ELP3: variants seen among roughly 807,000 people sequenced by gnomAD.
ELP3 encodes elongator complex protein 3.
ELP3 carries 56 observed loss-of-function variants against 74.9 expected under a neutral mutation model. The ratio of observed to expected loss-of-function variants is 0.75; its 90% CI spans 0.60 to 0.93. The LOEUF (loss-of-function observed/expected upper bound fraction) is 0.93, where lower values mean the gene tolerates loss of function less well. ELP3 is among the 40% of genes least tolerant of loss of function. The pLI, the probability that ELP3 is intolerant of heterozygous loss-of-function variation, is 0.00. For missense variants in ELP3, 573 were observed against 686.5 expected (o/e 0.83, Z 1.85); for synonymous variants, 222 against 239.8 (o/e 0.93, Z 0.68).
chr8:28,124,524 T>G (rs1203575831), intron 7 of ELP3, among the ~76,000 whole-genome samples: 1 of 152,208 alleles, frequency 6.6e-6, no homozygotes, highest in Non-Finnish European at 1.5e-5. Context: ...TAGCAACCAC[T>G]TTCTGACAAT....
chr8:28,133,272 A>C lies in ELP3; in HGVS notation c.906+868A>C, dbSNP rs143620882. ...GTGTGTTTTTATCCTCTGACTCATTATTCTATTGAGATAAGAATATTTTTA... is the reference window on the plus strand; with the variant it reads ...GTGTGTTTTTATCCTCTGACTCATTCTTCTATTGAGATAAGAATATTTTTA... On this transcript the variant is annotated intron_variant, in intron 9 of 14. Transcript: ENST00000256398. Among the ~76,000 whole-genome samples, 50 of 152,236 alleles carry C rather than the reference A, an allele frequency of 3.3e-4. No individual in the cohort carries two copies. The East Asian group carries it at 6.7e-3, about 21-fold the overall frequency.
chr8:28,154,467 A>T (rs537096056), intron 10 of ELP3, among the ~76,000 whole-genome samples: 1 of 152,262 alleles, frequency 6.6e-6, no homozygotes, highest in South Asian at 2.1e-4. Context: ...TTTAAGTTTT[A>T]TATATTTCTT....
At chr8:28,152,592 G>C (rs1224305631) in intron 10 of ELP3, among the ~76,000 whole-genome samples, 1 of 152,158 alleles carries the variant, frequency 6.6e-6, no homozygotes, top group Non-Finnish European at 1.5e-5. Flanking sequence ...GATCACCTGA[G>C]GTCAGGAGTT....
At chr8:28,184,078 A>C (rs1053978569) in intron 14 of ELP3, among the ~76,000 whole-genome samples, 6 of 152,216 alleles carry the variant, frequency 3.9e-5, no homozygotes, top group African/African-American at 1.2e-4. Flanking sequence ...GAGCAGAGCA[A>C]GGCCCTCACC....
chr8:28,093,883 G>T (rs1811146624), intron 1 of ELP3, among the ~76,000 whole-genome samples: 1 of 152,160 alleles, frequency 6.6e-6, no homozygotes, highest in Non-Finnish European at 1.5e-5. Context: ...GTATTTTGAA[G>T]TCGGTATCAT....
intron 10 of ELP3, among the ~76,000 whole-genome samples, chr8:28,146,190 G>T (rs772561433): frequency 6.6e-6 from 1 of 152,096 alleles, no homozygotes; most frequent in Non-Finnish European, 1.5e-5. Context: ...AAGATTCTGT[G>T]TTCCAGCCCT....
At chr8:28,116,650 A>G (rs1047420674) in intron 7 of ELP3, among the ~76,000 whole-genome samples, 1 of 152,172 alleles carries the variant, frequency 6.6e-6, no homozygotes, top group Non-Finnish European at 1.5e-5. Flanking sequence ...CGAGGCACAG[A>G]AACACTTGAA....
chr8:28,164,836 GT>G (rs1012501861), intron 14 of ELP3, among the ~76,000 whole-genome samples: 2 of 152,080 alleles, frequency 1.3e-5, no homozygotes, highest in African/African-American at 4.8e-5. Flanking sequence ...TTAATGTTGT[GT>G]TTTTCCGGTT....
upstream of ELP3, among the ~76,000 whole-genome samples, chr8:28,090,692 T>C (rs149660801): frequency 7.4e-3 from 1,116 of 151,794 alleles, 4 homozygotes; most frequent in Middle Eastern, 0.014. Context: ...ACTCAAAGCA[T>C]TGATGTGGGG....
At chr8:28,184,973 A>G (rs557119916) in intron 14 of ELP3, among the ~76,000 whole-genome samples, 1 of 152,162 alleles carries the variant, frequency 6.6e-6, no homozygotes, top group Admixed American at 6.5e-5. Context: ...CATCTCAAAA[A>G]AAAAAAAAAG....
intron 5 of ELP3, among the ~76,000 whole-genome samples, chr8:28,108,466 T>TC (rs1218466934): frequency 1.5e-4 from 22 of 147,738 alleles, no homozygotes; most frequent in African/African-American, 4.7e-4. Flanking sequence ...TCTTTTTTTT[T>TC]TTTTTTTTTG....
At chr8:28,091,786 G>C (rs1239545044), upstream of ELP3, among the ~76,000 whole-genome samples, 3 of 152,120 alleles carry the variant, frequency 2.0e-5, no homozygotes, top group Non-Finnish European at 4.4e-5. Flanking sequence ...ACACACCCAG[G>C]AAAAAGAGAC....
intron 1 of ELP3, among the ~76,000 whole-genome samples, chr8:28,095,907 G>T (rs1392442687): frequency 6.6e-6 from 1 of 152,196 alleles, no homozygotes; most frequent in East Asian, 1.9e-4. Flanking sequence ...CTGGGCCACG[G>T]ACCAGTACCG....
upstream of ELP3, chr8:28,090,516 T>TGTGTGTGTGTGTGC (rs71222534): frequency 5.3e-6 from 1 of 189,980 alleles, no homozygotes; most frequent in East Asian, 1.5e-4. Context: ...TGTGTGTGTG[T>TGTGTGTGTGTGTGC]ATACACATAT....
intron 14 of ELP3, among the ~76,000 whole-genome samples, chr8:28,182,628 G>A (rs955640684): frequency 3.3e-5 from 5 of 152,042 alleles, no homozygotes; most frequent in East Asian, 1.9e-4. Flanking sequence ...TTGGCCTTTG[G>A]TTAGTCTAAG....
At chr8:28,154,492 G>C (rs1466648865) in intron 10 of ELP3, among the ~76,000 whole-genome samples, 1 of 152,070 alleles carries the variant, frequency 6.6e-6, no homozygotes, top group East Asian at 1.9e-4. Flanking sequence ...GTGTATATAT[G>C]AGATGTATAG....
intron 11 of ELP3, among the ~76,000 whole-genome samples, chr8:28,157,700 T>TG (rs889466285): frequency 7.2e-5 from 11 of 152,090 alleles, no homozygotes; most frequent in Admixed American, 1.3e-4. Flanking sequence ...GTTTGTTCTA[T>TG]GGGGGGGAAA....
intron 14 of ELP3, among the ~76,000 whole-genome samples, chr8:28,178,946 C>G (rs1266637567): frequency 6.6e-6 from 1 of 152,160 alleles, no homozygotes; most frequent in Non-Finnish European, 1.5e-5. Context: ...TTTCTAAAAT[C>G]CACAAGATAT....
chr8:28,137,076 G>A (rs1813018233), intron 9 of ELP3, among the ~76,000 whole-genome samples: 1 of 152,112 alleles, frequency 6.6e-6, no homozygotes, highest in Non-Finnish European at 1.5e-5. Flanking sequence ...TCATATCCAG[G>A]GATCAGCAAA....
Sources: gnomAD v4.1 joint callset for allele counts (sites outside exome capture counted in the v4.1 genomes callset) on GRCh38, gnomAD v4.1.1 for gene constraint, MANE v1.5 for transcripts, NCBI Gene and HGNC (gene_info 2026-07-23, HGNC 2026-07-21) for gene names.